Variants in CATSPERB observed in about 807,000 individuals in gnomAD.
CATSPERB encodes catsper channel auxiliary subunit beta, also known as cation channel sperm-associated auxiliary subunit beta.
Under a neutral mutation model 128.3 loss-of-function variants are expected in CATSPERB, and 93 were observed. That is an observed-to-expected ratio of 0.72 (90% confidence interval 0.61 to 0.86). The LOEUF is 0.86. Ranked by LOEUF, CATSPERB falls within the 40% of genes least tolerant of loss-of-function variation. The pLI, the probability that CATSPERB is intolerant of heterozygous loss-of-function variation, is 0.00. For synonymous variants in CATSPERB, 381 were observed against 448.8 expected, an observed-to-expected ratio of 0.85 and a Z score of 1.91; for missense variants, 1,153 against 1,329.5, an observed-to-expected ratio of 0.87 and a Z score of 2.06.
chr14:91,608,394 C>T lies in CATSPERB; in HGVS notation c.2609G>A (p.Arg870Lys), dbSNP rs760298597. 1.9e-5 allele frequency: 30 copies of T among 1,579,192 alleles called. 1 individual carries two copies. The South Asian group carries it at 3.2e-4, about 17-fold the overall frequency. The change falls in exon 22 of 27, where the codon AGG (arginine) becomes AAG (lysine). Residue 870 changes from arginine (R) to lysine (K), a missense_variant. Arg to Lys is a conservative substitution (Grantham distance 26). Coordinates refer to ENST00000256343, the MANE Select transcript of CATSPERB (RefSeq NM_024764.4). ...AGCAATTCCCATATTAGATGGAGGCCTGTAGTTTATCTGCAAGTGATTAAA... is the reference window on the plus strand; with the variant it reads ...AGCAATTCCCATATTAGATGGAGGCTTGTAGTTTATCTGCAAGTGATTAAA... ...NLIKTLPINY[R>K]PPSNMGIAIP...
At chr14:91,615,087 C>T (rs1032754314) in intron 20 of CATSPERB, among the ~76,000 whole-genome samples, 41 of 152,170 alleles carry the variant, frequency 2.7e-4, no homozygotes, top group African/African-American at 9.4e-4. Flanking sequence ...AGATCTTGTA[C>T]CCCAGGGGTC....
chr14:91,703,165 T>G (rs1303177553), intron 7 of CATSPERB, among the ~76,000 whole-genome samples: 2 of 152,192 alleles, frequency 1.3e-5, no homozygotes, highest in South Asian at 2.1e-4. Flanking sequence ...TTCCTTTATA[T>G]TCACTGAATT....
chr14:91,691,053 G>C (rs1369581230), intron 10 of CATSPERB, among the ~76,000 whole-genome samples: 1 of 152,200 alleles, frequency 6.6e-6, no homozygotes, highest in Non-Finnish European at 1.5e-5. Flanking sequence ...GCCAGAAGCA[G>C]ACCAGTGACT....
chr14:91,655,973 G>A (rs965296539), intron 15 of CATSPERB, among the ~76,000 whole-genome samples: 1 of 152,068 alleles, frequency 6.6e-6, no homozygotes, highest in African/African-American at 2.4e-5. Flanking sequence ...AACATACAAA[G>A]GAGCCCCAAT....
chr14:91,667,211 A>T (rs1369867853), intron 14 of CATSPERB, among the ~76,000 whole-genome samples: 2 of 152,198 alleles, frequency 1.3e-5, no homozygotes, highest in Non-Finnish European at 2.9e-5. Flanking sequence ...CTCTGGGGGA[A>T]CCCCATTAAA....
At chr14:91,628,677 C>T (rs1894214212) in intron 17 of CATSPERB, among the ~76,000 whole-genome samples, 1 of 152,180 alleles carries the variant, frequency 6.6e-6, no homozygotes, top group African/African-American at 2.4e-5. Context: ...CTTCATCTTC[C>T]ACCATGGCCT....
At chr14:91,588,126 T>G in intron 24 of CATSPERB, 48 bp from the exon 25 acceptor site, 1 of 1,233,766 alleles carries the variant, frequency 8.1e-7, no homozygotes, top group African/African-American at 1.5e-5. Context: ...TTTCTCATTT[T>G]GTATTAGGTT....
intron 7 of CATSPERB, among the ~76,000 whole-genome samples, chr14:91,697,628 T>C (rs961680454): frequency 2.0e-5 from 3 of 152,204 alleles, no homozygotes. Flanking sequence ...CACCATTTAT[T>C]GAATAGGGTC....
At chr14:91,593,748 G>A (rs935967079) in intron 22 of CATSPERB, among the ~76,000 whole-genome samples, 2 of 152,196 alleles carry the variant, frequency 1.3e-5, no homozygotes, top group African/African-American at 4.8e-5. Context: ...GTGTTGGGAA[G>A]GGATGATTGG....
chr14:91,669,156 A>G (rs1161844124), intron 14 of CATSPERB, among the ~76,000 whole-genome samples: 3 of 152,228 alleles, frequency 2.0e-5, no homozygotes, highest in Non-Finnish European at 4.4e-5. Flanking sequence ...ACCTAGAAAC[A>G]GGGTATCATC....
At chr14:91,614,092 T>C (rs901526786) in intron 20 of CATSPERB, among the ~76,000 whole-genome samples, 1 of 152,230 alleles carries the variant, frequency 6.6e-6, no homozygotes. Context: ...GGCTGAATTT[T>C]TTCCTCCAAG....
At chr14:91,664,334 C>T (rs1054300836) in intron 14 of CATSPERB, among the ~76,000 whole-genome samples, 4 of 138,422 alleles carry the variant, frequency 2.9e-5, no homozygotes, top group Admixed American at 1.7e-4. Context: ...GGTGCAATCT[C>T]GGCTCACTGC....
At chr14:91,618,856 A>G (rs1181394838) in intron 19 of CATSPERB, among the ~76,000 whole-genome samples, 1 of 152,192 alleles carries the variant, frequency 6.6e-6, no homozygotes, top group Non-Finnish European at 1.5e-5. Context: ...TTACCCGGAG[A>G]TTTTGTTGAA....
chr14:91,730,886 G>A (rs1003495314), intron 1 of CATSPERB, among the ~76,000 whole-genome samples: 16 of 152,108 alleles, frequency 1.1e-4, no homozygotes, highest in African/African-American at 3.9e-4. Flanking sequence ...AGAACTGAAG[G>A]TTTTTAGTGC....
chr14:91,685,711 G>T (rs186490581), intron 10 of CATSPERB, among the ~76,000 whole-genome samples: 2 of 152,166 alleles, frequency 1.3e-5, no homozygotes, highest in Admixed American at 1.3e-4. Context: ...GAAATAGGAG[G>T]AAGCAGTGCA....
intron 5 of CATSPERB, among the ~76,000 whole-genome samples, chr14:91,714,277 C>CAAAAAA (rs35951126): frequency 9.0e-6 from 1 of 111,256 alleles, no homozygotes; most frequent in Non-Finnish European, 1.8e-5. Flanking sequence ...TACAATAAGG[C>CAAAAAA]AAAAAAAAAA....
chr14:91,675,129 T>A (rs192152951), intron 11 of CATSPERB, among the ~76,000 whole-genome samples: 2 of 152,216 alleles, frequency 1.3e-5, no homozygotes, highest in Non-Finnish European at 2.9e-5. Flanking sequence ...GCATTTTGAG[T>A]GGTCTAGTCT....
chr14:91,666,758 C>T (rs1319733776), intron 14 of CATSPERB, among the ~76,000 whole-genome samples: 1 of 152,192 alleles, frequency 6.6e-6, no homozygotes, highest in Non-Finnish European at 1.5e-5. Context: ...CAACCGCCTA[C>T]TTAGATACCA....
intron 15 of CATSPERB, among the ~76,000 whole-genome samples, chr14:91,652,015 T>G (rs765003769): frequency 1.1e-4 from 16 of 152,146 alleles, no homozygotes; most frequent in Non-Finnish European, 2.4e-4. Flanking sequence ...CTTCATAGCT[T>G]TGGGATAGGC....
Sources: gnomAD v4.1 joint callset for allele counts (sites outside exome capture counted in the v4.1 genomes callset) on GRCh38, gnomAD v4.1.1 for gene constraint, MANE v1.5 for transcripts, NCBI Gene and HGNC (gene_info 2026-07-23, HGNC 2026-07-21) for gene names.